The following EGF variants were observed in gnomAD, a reference collection of about 807,000 sequenced individuals.
EGF encodes epidermal growth factor.
Under a neutral mutation model 143.8 loss-of-function variants are expected in EGF, and 95 were observed. The ratio of observed to expected loss-of-function variants is 0.66; its 90% CI spans 0.56 to 0.78. EGF has a LOEUF of 0.78. Among genes scored for constraint, EGF ranks in the 30% least tolerant of loss-of-function variants. The pLI is 0.00. For missense variants in EGF, 1,320 were observed against 1,470.9 expected (o/e 0.90, Z 1.68); for synonymous variants, 510 against 510.5 (o/e 1.00, Z 0.01).
At chr4:109,993,137 A>T (rs1343929688) in intron 18 of EGF, 110 bp from the exon 19 acceptor site, 6 of 1,396,112 alleles carry the variant, frequency 4.3e-6, no homozygotes, top group Non-Finnish European at 6.0e-6. Flanking sequence ...CTCTGAGAAC[A>T]TATAGCATGA....
chr4:109,935,870 C>G lies in EGF; in HGVS notation c.128-5076C>G, dbSNP rs57890638. On this transcript the variant is annotated intron_variant, in intron 1 of 23. Coordinates refer to ENST00000265171, the MANE Select transcript of EGF (RefSeq NM_001963.6). ...GTTTATTGATTTGCGTATGTTGAAC[C>G]AGTCTTGCATCCCAGGGGTGAAGCC... is the stretch of plus-strand genomic sequence containing the variant. 8.7e-3 allele frequency among the ~76,000 whole-genome samples: 1,332 copies of G among 152,244 alleles called. 98 individuals carry two copies. The East Asian group carries it at 0.17, about 20-fold the overall frequency.
chr4:109,918,393 T>C (rs1737090361), intron 1 of EGF, among the ~76,000 whole-genome samples: 1 of 152,114 alleles, frequency 6.6e-6, no homozygotes, highest in Non-Finnish European at 1.5e-5. Context: ...GGCCAGATGA[T>C]GTTCCTGAGG....
rs374714770 is a variant in EGF, at chr4:109,917,794, A to AT, written c.127+4337dup. Among the ~76,000 whole-genome samples the AT allele has an allele frequency of 2.2e-3, 331 of 151,834 alleles. 1 individual carries two copies. The highest frequency in any genetic ancestry group is 7.5e-3 in the African/African-American group (311 of 41,406). On this transcript the variant is annotated intron_variant, in intron 1 of 23. Coordinates refer to ENST00000265171, the MANE Select transcript of EGF (RefSeq NM_001963.6). ...TGCCACCACACCTGCTAATTTTTGT[A>AT]TTTTTAGTAGAGATGGGGTTTCATC...
chr4:109,937,944 A>G (rs998015535), intron 1 of EGF, among the ~76,000 whole-genome samples: 3 of 151,668 alleles, frequency 2.0e-5, no homozygotes, highest in African/African-American at 7.3e-5. Flanking sequence ...TGCCCTTAAC[A>G]TTTTTTCCTT....
chr4:110,003,688 T>C (rs567671450), intron 21 of EGF, among the ~76,000 whole-genome samples: 2 of 152,088 alleles, frequency 1.3e-5, no homozygotes, highest in African/African-American at 4.8e-5. Context: ...ATCTCCATGC[T>C]AAATCTCCCC....
At chr4:109,970,363 G>A (rs1038531169) in intron 11 of EGF, among the ~76,000 whole-genome samples, 1 of 152,090 alleles carries the variant, frequency 6.6e-6, no homozygotes, top group Non-Finnish European at 1.5e-5. Flanking sequence ...TGAAATGGTG[G>A]CCATCCTGAA....
chr4:109,913,920 A>G (rs1736142518), intron 1 of EGF, among the ~76,000 whole-genome samples: 1 of 152,244 alleles, frequency 6.6e-6, no homozygotes, highest in African/African-American at 2.4e-5. Flanking sequence ...TGGAAAGGGA[A>G]CTGTGAACAA....
At chr4:109,993,020 A>C (rs775535672) in intron 18 of EGF, among the ~76,000 whole-genome samples, 2 of 151,810 alleles carry the variant, frequency 1.3e-5, no homozygotes, top group Non-Finnish European at 2.9e-5. Flanking sequence ...TGGGTGCAGC[A>C]CACCAACATG....
intron 10 of EGF, among the ~76,000 whole-genome samples, chr4:109,968,020 A>C (rs151039514): frequency 6.6e-6 from 1 of 152,214 alleles, no homozygotes; most frequent in African/African-American, 2.4e-5. Flanking sequence ...GTGAAGGCTT[A>C]GGACATGACT....
At chr4:109,967,134 G>T (rs1280610748) in intron 10 of EGF, among the ~76,000 whole-genome samples, 1 of 152,122 alleles carries the variant, frequency 6.6e-6, no homozygotes, top group African/African-American at 2.4e-5. Flanking sequence ...ATGTCCAGAA[G>T]AGTTTCTTTT....
chr4:109,922,432 G>A (rs547447906), intron 1 of EGF, among the ~76,000 whole-genome samples: 2 of 151,814 alleles, frequency 1.3e-5, no homozygotes, highest in Admixed American at 6.5e-5. Context: ...GTTGTCTTCT[G>A]AGACAGGAGC....
chr4:109,982,410 C>G (rs1318921530), intron 15 of EGF, among the ~76,000 whole-genome samples: 1 of 152,126 alleles, frequency 6.6e-6, no homozygotes, highest in Admixed American at 6.5e-5. Flanking sequence ...TCACTGCAAC[C>G]TCTGCCTCTA....
chr4:109,975,141 T>C (rs1189151132), intron 12 of EGF, among the ~76,000 whole-genome samples: 1 of 152,226 alleles, frequency 6.6e-6, no homozygotes, highest in African/African-American at 2.4e-5. Context: ...ATATGACTTA[T>C]AGATTCTGTT....
At chr4:109,973,231 G>C (rs760821915) in intron 11 of EGF, among the ~76,000 whole-genome samples, 1 of 152,072 alleles carries the variant, frequency 6.6e-6, no homozygotes, top group Admixed American at 6.5e-5. Context: ...CATTTCTTCT[G>C]CTACTGTTTT....
intron 1 of EGF, among the ~76,000 whole-genome samples, chr4:109,918,603 T>C (rs926364854): frequency 5.9e-5 from 9 of 152,220 alleles, no homozygotes; most frequent in African/African-American, 2.2e-4. Flanking sequence ...ACTGAATGAT[T>C]CATCTACTGT....
At chr4:109,929,350 C>T (rs1012635778) in intron 1 of EGF, among the ~76,000 whole-genome samples, 2 of 152,110 alleles carry the variant, frequency 1.3e-5, no homozygotes, top group African/African-American at 4.8e-5. Context: ...GCATTTACCT[C>T]CTAGTGTTCT....
intron 1 of EGF, among the ~76,000 whole-genome samples, chr4:109,927,360 G>T (rs774305788): frequency 6.6e-6 from 1 of 152,126 alleles, no homozygotes; most frequent in African/African-American, 2.4e-5. Context: ...AAGGTGTTAT[G>T]TAATCTCAAT....
Position 109,963,100 on chromosome 4 carries a change from G to T in EGF, c.1313-73G>T, listed in dbSNP as rs541885786. On this transcript the variant is annotated intron_variant, in intron 8 of 23. Coordinates refer to ENST00000265171, the MANE Select transcript of EGF (RefSeq NM_001963.6). ...AAAAAAATTAACAAATGGTTGACTC[G>T]CCCCCATCCTTTGATGAAAAATAAT... The T allele has an allele frequency of 3.9e-4, 585 of 1,503,940 alleles. 1 individual carries two copies. The highest frequency in any genetic ancestry group is 2.0e-3 in the Middle Eastern group (11 of 5,626). The allele number at this position is 1,503,940 out of a possible 1,614,324, so 93.2% of individuals were successfully genotyped here.
At chr4:109,986,110 T>C (rs1484530016) in intron 16 of EGF, among the ~76,000 whole-genome samples, 1 of 152,204 alleles carries the variant, frequency 6.6e-6, no homozygotes, top group African/African-American at 2.4e-5. Flanking sequence ...CAGGCATTTA[T>C]TTCTTCCAGA....
Sources: allele counts gnomAD v4.1 joint callset (sites outside exome capture counted in the v4.1 genomes callset), GRCh38; gene constraint gnomAD v4.1.1; transcripts MANE v1.5; gene names NCBI Gene and HGNC (gene_info 2026-07-23, HGNC 2026-07-21).